The following CPT1C variants were observed in gnomAD, a reference collection of about 807,000 sequenced individuals.
CPT1C encodes carnitine palmitoyltransferase 1C, also known as palmitoyl thioesterase CPT1C.
A neutral mutation model predicts 97.3 loss-of-function variants in CPT1C; 61 were observed. That is an observed-to-expected ratio of 0.63 (90% CI 0.51 to 0.78). CPT1C has a LOEUF of 0.78. Ranked by LOEUF, CPT1C falls within the 30% of genes least tolerant of loss-of-function variation. The pLI is 0.00. For missense variants in CPT1C, 975 were observed against 1,065.5 expected, an observed-to-expected ratio of 0.92 and a Z score of 1.18; for synonymous variants, 469 against 447.2, an observed-to-expected ratio of 1.05 and a Z score of -0.61.
At chr19:49,696,786 C>G in intron 3 of CPT1C, among the ~76,000 whole-genome samples, 1 of 152,080 alleles carries the variant, frequency 6.6e-6, no homozygotes, top group East Asian at 1.9e-4. Context: ...GTGCCTGCCA[C>G]CATGCCCGGC....
chr19:49,699,457 TAAAAAAAAAAAAAAAAAAAAA>T (rs71180647), intron 4 of CPT1C, among the ~76,000 whole-genome samples: 1 of 35,292 alleles, frequency 2.8e-5, no homozygotes, highest in African/African-American at 8.5e-5. Context: ...CCCCTGTCTC[TAAAAAAAAAAAAAAAAAAAAA>T]AAAAAAAAAA....
At chr19:49,701,747 C>A in intron 7 of CPT1C, 113 bp downstream of exon 7, 1 of 1,257,800 alleles carries the variant, frequency 8.0e-7, no homozygotes, top group Non-Finnish European at 1.1e-6. Flanking sequence ...AACCCACACG[C>A]CCCCAGCCCC....
chr19:49,707,627 G>A lies in CPT1C; in HGVS notation c.1449+4G>A. 1.9e-6 allele frequency: 3 copies of A among 1,602,422 alleles called. No homozygotes were observed. Among genetic ancestry groups the A allele is most frequent in the African/African-American group, 1.3e-5 (1 of 74,576 alleles). On this transcript the variant is annotated splice_donor_region_variant and intron_variant, in intron 13 of 19. Coordinates refer to ENST00000598293, the MANE Select transcript of CPT1C (RefSeq NM_001199753.2). ...CATCTCAGGACACATGTGGGAGGTA[G>A]GGCGGCCAGCCCTCCCTGGTTCTGG...
At chr19:49,701,934 ATT>A (rs2083107802) in intron 7 of CPT1C, among the ~76,000 whole-genome samples, 2 of 87,726 alleles carry the variant, frequency 2.3e-5, no homozygotes, top group South Asian at 5.6e-4. Flanking sequence ...AAATATTAAT[ATT>A]TATAAATTTA....
At chr19:49,705,806 T>G in intron 10 of CPT1C, 103 bp from the exon 11 acceptor site, 1 of 1,029,210 alleles carries the variant, frequency 9.7e-7, no homozygotes. Flanking sequence ...ATTACTAGGG[T>G]ACTTTGAACA....
Position 49,706,171 on chromosome 19 carries a change from C to A in CPT1C, c.1161-60C>A. ...CCAGTGTCCTGAGACTGTGGAAGGGCAGGGTGGGGCCAGGTGGCGGCTGGG... is the reference window on the plus strand; with the variant it reads ...CCAGTGTCCTGAGACTGTGGAAGGGAAGGGTGGGGCCAGGTGGCGGCTGGG... On this transcript the variant is annotated intron_variant, in intron 11 of 19. Transcript: ENST00000598293. This position sits in a 1 kb window ranked among gnomAD's most constrained non-coding sequence, Gnocchi z 4.8. The A allele has an allele frequency of 1.9e-6, 3 of 1,554,974 alleles. No homozygotes were observed. The highest frequency in any genetic ancestry group is 2.6e-6 in the Non-Finnish European group (3 of 1,149,796).
intron 4 of CPT1C, among the ~76,000 whole-genome samples, chr19:49,700,139 C>A (rs906637124): frequency 6.6e-6 from 1 of 151,304 alleles, no homozygotes; most frequent in African/African-American, 2.4e-5. Flanking sequence ...CCCAGCTACT[C>A]CGGAGGCTGA....
At position 49,697,674 on chromosome 19, in the gene CPT1C, G is replaced by A. The variant is rs188659832; in HGVS notation, c.281+209G>A. ...AATCCCAGCACATTGGGCATTGGGAGGCTGAGGTGGGTGTATCGCTTGAGG... is the reference window on the plus strand; with the variant it reads ...AATCCCAGCACATTGGGCATTGGGAAGCTGAGGTGGGTGTATCGCTTGAGG... On this transcript the variant is annotated intron_variant, in intron 4 of 19. Transcript: ENST00000598293. The A allele has an allele frequency of 1.0e-3, 517 of 507,352 alleles. 1 individual carries two copies. The highest frequency in any genetic ancestry group is 1.2e-3 in the Non-Finnish European group (361 of 292,010). The allele number at this position is 507,352 out of a possible 1,614,324, so 31.4% of individuals were successfully genotyped here.
Position 49,706,132 on chromosome 19 carries a change from G to C in CPT1C, c.1160+28G>C, listed in dbSNP as rs372494717. On this transcript the variant is annotated intron_variant, in intron 11 of 19. Coordinates refer to ENST00000598293, the MANE Select transcript of CPT1C (RefSeq NM_001199753.2). This position sits in a 1 kb window ranked among gnomAD's most constrained non-coding sequence, Gnocchi z 4.8. ...AAGGGTCAGGGGTCAGGGGTCAGGG[G>C]CTCTCAGAGGCCGCCAGTGTCCTGA... 3.1e-6 allele frequency: 5 copies of C among 1,594,314 alleles called. No homozygotes were observed. The highest frequency in any genetic ancestry group is 4.3e-6 in the Non-Finnish European group (5 of 1,168,940).
Position 49,701,381 on chromosome 19 carries a change from G to A in CPT1C, c.518G>A (p.Arg173His). Residue 173 changes from arginine to histidine, a missense_variant, in exon 6 of 20, where the codon CGC (arginine) becomes CAC (histidine). Arg to His is a conservative substitution (Grantham distance 29). This residue lies in a region of CPT1C where 596 missense variants were observed against 603.1 expected (regional missense o/e 0.99). Coordinates refer to ENST00000598293, the MANE Select transcript of CPT1C (RefSeq NM_001199753.2). ...TTCAGTTACCAGCGCTCCCTGCCAC[G>A]CCAGCCCGTGCCCTCTGTGCAGGAC... ...MLFSYQRSLP[R>H]QPVPSVQDTV... 3 of 1,613,430 alleles carry A rather than the reference G, an allele frequency of 1.9e-6. No homozygotes were observed. Among genetic ancestry groups the A allele is most frequent in the Non-Finnish European group, 2.5e-6 (3 of 1,179,894 alleles).
In CPT1C at chr19:49,691,151, G is replaced by C. The variant is rs2082327836; in HGVS notation, c.-273G>C. 6.6e-6 allele frequency: 1 copy of C among 152,116 alleles called. No individual in the cohort carries two copies. Among genetic ancestry groups the C allele is most frequent in the Admixed American group, 6.6e-5 (1 of 15,258 alleles). 9.4% of individuals were successfully genotyped at this position (152,116 alleles called of 1,614,324 possible). On this transcript the variant is annotated 5_prime_UTR_variant, in exon 1 of 20. Transcript: ENST00000598293. ...CTAGGGACACGAGAGAGAGGAATCG[G>C]GGTTTCTGGGTGACGGTGATCTCGG...
rs1160601262 is a variant in CPT1C, at chr19:49,707,625, T to G, written c.1449+2T>G. 6.2e-7 allele frequency: 1 copy of G among 1,601,032 alleles called. No homozygotes were observed. ...CCCATCTCAGGACACATGTGGGAGG[T>G]AGGGCGGCCAGCCCTCCCTGGTTCT... is the stretch of plus-strand genomic sequence containing the variant. On this transcript the variant is annotated splice_donor_variant, in intron 13 of 19. Coordinates refer to ENST00000598293, the MANE Select transcript of CPT1C (RefSeq NM_001199753.2). LOFTEE classifies it high-confidence loss of function.
intron 16 of CPT1C, chr19:49,711,543 G>A (rs536747087): frequency 1.1e-4 from 56 of 503,144 alleles, no homozygotes; most frequent in Non-Finnish European, 1.6e-4. Flanking sequence ...ACCTAGCCCC[G>A]CACCTACAAG....
rs777906424 is a variant in CPT1C at position 49,697,355 on chromosome 19, C to T, written c.171C>T (p.Ala57=). 6.2e-7 allele frequency: 1 copy of T among 1,614,096 alleles called. No individual in the cohort carries two copies. Among genetic ancestry groups the T allele is most frequent in the Admixed American group, 1.7e-5 (1 of 59,988 alleles). Residue 57 remains alanine, a synonymous_variant, in exon 4 of 20, where the codon GCC becomes GCT. Coordinates refer to ENST00000598293, the MANE Select transcript of CPT1C (RefSeq NM_001199753.2). ...WNDFLTGVFP[A]SPLSWLFLFS... ...ACTTTCTCACCGGTGTGTTTCCTGC[C>T]AGCCCCCTCAGTTGGCTTTTCCTCT...
chr19:49,703,848 G>A (rs922273914), intron 7 of CPT1C, among the ~76,000 whole-genome samples: 2 of 151,810 alleles, frequency 1.3e-5, no homozygotes, highest in African/African-American at 4.8e-5. Flanking sequence ...GCACAGACTG[G>A]TCTCAAACTC....
intron 10 of CPT1C, among the ~76,000 whole-genome samples, chr19:49,705,596 T>C (rs2083454959): frequency 6.6e-6 from 1 of 151,976 alleles, no homozygotes. Flanking sequence ...CCGGTCTATA[T>C]ACAAAATTTA....
rs1303751690 is a variant in CPT1C, at chr19:49,701,116, TCTCTCTCTGGGTCTCTGTCCCC to T, written c.454-178_454-157del. On this transcript the variant is annotated intron_variant, in intron 5 of 19. Coordinates refer to ENST00000598293, the MANE Select transcript of CPT1C (RefSeq NM_001199753.2). ...GACTCTCTCTGGGTCTCTGCCCCCC[TCTCTCTCTGGGTCTCTGTCCCC>T]CTCTCTCTGGGTCTCTGTCCCCTGT... 2.4e-3 allele frequency among the ~76,000 whole-genome samples: 240 copies of T among 98,902 alleles called. 3 individuals carry two copies. The highest frequency in any genetic ancestry group is 8.6e-3 in the African/African-American group (222 of 25,882). The allele number at this position is 98,902 out of a possible 152,430, so 64.9% of individuals were successfully genotyped here.
At chr19:49,701,782 C>G in intron 7 of CPT1C, 148 bp downstream of exon 7, 1 of 585,876 alleles carries the variant, frequency 1.7e-6, no homozygotes, top group East Asian at 3.4e-5. Flanking sequence ...CTGAGCCCCG[C>G]TCACATACAT....
chr19:49,708,979 C>T, intron 14 of CPT1C, 140 bp downstream of exon 14: 1 of 614,888 alleles, frequency 1.6e-6, no homozygotes, highest in South Asian at 2.0e-5. Flanking sequence ...CCCCCACCCC[C>T]AAATCAGGCC....
Sources: allele counts gnomAD v4.1 joint callset (sites outside exome capture counted in the v4.1 genomes callset), GRCh38; gene constraint gnomAD v4.1.1; regional missense constraint gnomAD v4.1.1; non-coding constraint Gnocchi (gnomAD v3.1); transcripts MANE v1.5; gene names NCBI Gene and HGNC (gene_info 2026-07-23, HGNC 2026-07-21).